The following PCSK5 variants were observed in gnomAD, a reference collection of about 807,000 sequenced individuals.
The protein encoded by PCSK5 is prohormone convertase 5.
In PCSK5, 129 loss-of-function variants were observed where a neutral mutation model predicts 233.2. The observed-to-expected ratio is 0.55, with a 90% CI of 0.48 to 0.64. The LOEUF is 0.64. Ranked by LOEUF, PCSK5 falls within the 30% of genes least tolerant of loss-of-function variation. The probability of loss-of-function intolerance (pLI) is 0.00; values close to 1 mark genes in which losing one functional copy is unlikely to be tolerated. For synonymous variants in PCSK5, 825 were observed against 879.2 expected (o/e 0.94, Z 1.09); for missense variants, 2,076 against 2,430.1 (o/e 0.85, Z 3.06).
At chr9:76,335,259 G>A (rs1043412976) in intron 34 of PCSK5, among the ~76,000 whole-genome samples, 5 of 152,166 alleles carry the variant, frequency 3.3e-5, no homozygotes, top group Admixed American at 1.3e-4. Context: ...TGCAGACCAT[G>A]GAATTAAGAA....
chr9:76,080,498 T>C (rs1830797040), intron 7 of PCSK5, among the ~76,000 whole-genome samples: 1 of 152,238 alleles, frequency 6.6e-6, no homozygotes, highest in South Asian at 2.1e-4. Context: ...AATTTATAAA[T>C]GACTTCCATG....
In PCSK5 at chr9:75,971,341, C is replaced by T. The variant is rs531544975; in HGVS notation, c.298-14791C>T. On this transcript the variant is annotated intron_variant, in intron 2 of 37. Coordinates refer to ENST00000674117, the MANE Select transcript of PCSK5 (RefSeq NM_001372043.1). ...CTTTATCCAGTCTATCATTGATTGG[C>T]ATTTGGGTTGATTCCATGTCTTTGC... 5.3e-5 allele frequency among the ~76,000 whole-genome samples: 8 copies of T among 152,214 alleles called. No homozygotes were observed. The East Asian group carries it at 1.5e-3, about 29-fold the overall frequency.
rs576369666 is a variant in PCSK5 at position 76,241,264 on chromosome 9, A to G, written c.3142+580A>G. Among the ~76,000 whole-genome samples the G allele has an allele frequency of 1.2e-4, 19 of 152,286 alleles. No homozygotes were observed. The East Asian group carries it at 3.5e-3, about 28-fold the overall frequency. The stretch of plus-strand genomic sequence containing the variant: ...CGAGACCAGCCTGTCCAACATGGTG[A>G]AAACCCATCTCTACTAAAAATACAA... On this transcript the variant is annotated intron_variant, in intron 24 of 37. Coordinates refer to ENST00000674117, the MANE Select transcript of PCSK5 (RefSeq NM_001372043.1).
At chr9:76,126,817 G>A (rs1832872268) in intron 9 of PCSK5, among the ~76,000 whole-genome samples, 1 of 152,134 alleles carries the variant, frequency 6.6e-6, no homozygotes, top group South Asian at 2.1e-4. Flanking sequence ...TAGACGATGA[G>A]AGATTACCTA....
chr9:76,274,563 C>A (rs1309780689), intron 24 of PCSK5, among the ~76,000 whole-genome samples: 1 of 150,818 alleles, frequency 6.6e-6, no homozygotes, highest in Non-Finnish European at 1.5e-5. Flanking sequence ...AGAAGATTTG[C>A]ATTTCCTTCT....
intron 10 of PCSK5, among the ~76,000 whole-genome samples, chr9:76,151,008 TA>T (rs10624054): frequency 0.012 from 1,667 of 142,106 alleles, 14 homozygotes; most frequent in African/African-American, 0.024. Flanking sequence ...CTTTTTACAT[TA>T]AAAAAAAAAA....
chr9:76,354,263 T>C, intron 37 of PCSK5, 44 bp downstream of exon 37: 1 of 1,469,212 alleles, frequency 6.8e-7, no homozygotes. Context: ...GGGCATGTCC[T>C]CAAGAAGCCA....
chr9:76,238,990 G>A lies in PCSK5; in HGVS notation c.2898G>A (p.Gln966=), dbSNP rs759909913. The change falls in exon 23 of 38, where the codon CAG becomes CAA. Residue 966 remains glutamine, a synonymous_variant. Coordinates refer to ENST00000674117, the MANE Select transcript of PCSK5 (RefSeq NM_001372043.1). ...DNYGREHFLY[Q]GECGDSCPEG... is the part of the protein sequence containing the mutation. ...ATGGCCGAGAGCACTTCCTGTACCA[G>A]GGAGAGTGTGGAGATAGCTGCCCAG... 1.2e-6 allele frequency: 2 copies of A among 1,612,350 alleles called. No homozygotes were observed. The highest frequency in any genetic ancestry group is 1.7e-6 in the Non-Finnish European group (2 of 1,179,726).
At chr9:76,046,294 C>T (rs1411620420) in intron 5 of PCSK5, among the ~76,000 whole-genome samples, 1 of 148,748 alleles carries the variant, frequency 6.7e-6, no homozygotes, top group Non-Finnish European at 1.5e-5. Context: ...TCTCCTGCCC[C>T]AGCCTCCCAA....
In PCSK5 at chr9:76,215,523, G is replaced by A. The variant is rs149528663; in HGVS notation, c.2627-11980G>A. ...CACTGGTTGCTTGTTCCCTAGAGATGCTGCTAAAGAGGCCACCAAGGGGAA... is the reference window on the plus strand; with the variant it reads ...CACTGGTTGCTTGTTCCCTAGAGATACTGCTAAAGAGGCCACCAAGGGGAA... On this transcript the variant is annotated intron_variant, in intron 20 of 37. Coordinates refer to ENST00000674117, the MANE Select transcript of PCSK5 (RefSeq NM_001372043.1). Among the ~76,000 whole-genome samples the A allele has an allele frequency of 3.1e-3, 470 of 152,294 alleles. 4 individuals carry two copies. Among genetic ancestry groups the A allele is most frequent in the African/African-American group, 0.011 (439 of 41,574 alleles).
chr9:76,250,455 C>T (rs991803790), intron 24 of PCSK5, among the ~76,000 whole-genome samples: 5 of 152,106 alleles, frequency 3.3e-5, no homozygotes, highest in Admixed American at 1.3e-4. Context: ...GAAACATCAC[C>T]AGGGATAAAT....
At chr9:76,320,823 T>G (rs1829177279) in intron 30 of PCSK5, among the ~76,000 whole-genome samples, 2 of 149,872 alleles carry the variant, frequency 1.3e-5, no homozygotes, top group African/African-American at 4.9e-5. Context: ...TGGTTTTGTT[T>G]TTTTTTTTTT....
At chr9:76,075,527 G>T (rs1475714552) in intron 7 of PCSK5, among the ~76,000 whole-genome samples, 1 of 151,824 alleles carries the variant, frequency 6.6e-6, no homozygotes, top group Non-Finnish European at 1.5e-5. Flanking sequence ...AATCTTTCTT[G>T]GGGCATCAAG....
At chr9:76,135,087 G>A (rs926329794) in intron 10 of PCSK5, among the ~76,000 whole-genome samples, 3 of 151,808 alleles carry the variant, frequency 2.0e-5, no homozygotes, top group African/African-American at 7.3e-5. Context: ...CATAGCACAG[G>A]GCACATCTCC....
At chr9:76,170,868 AAGTT>A (rs1277868461) in intron 13 of PCSK5, among the ~76,000 whole-genome samples, 7 of 152,216 alleles carry the variant, frequency 4.6e-5, no homozygotes, top group African/African-American at 1.7e-4. Flanking sequence ...CAATCTGAGA[AAGTT>A]ACTCATTCTG....
chr9:76,308,942 G>T (rs189789343), intron 29 of PCSK5, among the ~76,000 whole-genome samples: 1 of 152,216 alleles, frequency 6.6e-6, no homozygotes, highest in East Asian at 1.9e-4. Flanking sequence ...AAGTGGTCAG[G>T]TACAGTGGTT....
intron 9 of PCSK5, among the ~76,000 whole-genome samples, chr9:76,127,162 G>A (rs1052121062): frequency 5.9e-5 from 9 of 152,126 alleles, no homozygotes; most frequent in South Asian, 2.1e-4. Flanking sequence ...TAATAATGGC[G>A]ATGCAGTCAA....
At chr9:75,980,747 A>AT (rs776030880) in intron 2 of PCSK5, among the ~76,000 whole-genome samples, 154 of 85,594 alleles carry the variant, frequency 1.8e-3, no homozygotes, top group African/African-American at 3.2e-3. Flanking sequence ...AAATTCTCTG[A>AT]TTTTTTTTTT....
At chr9:76,136,258 G>A (rs1359541126) in intron 10 of PCSK5, among the ~76,000 whole-genome samples, 2 of 151,944 alleles carry the variant, frequency 1.3e-5, no homozygotes, top group South Asian at 2.1e-4. Context: ...TACTCTAAAC[G>A]TTACCATCCC....
Sources: allele counts gnomAD v4.1 joint callset (sites outside exome capture counted in the v4.1 genomes callset), GRCh38; gene constraint gnomAD v4.1.1; transcripts MANE v1.5; gene names NCBI Gene and HGNC (gene_info 2026-07-23, HGNC 2026-07-21).